The following GRIK2 variants were observed in gnomAD, a reference collection of about 807,000 sequenced individuals.
GRIK2 encodes the protein glutamate receptor ionotropic, kainate 2.
A neutral mutation model predicts 100.3 loss-of-function variants in GRIK2; 32 were observed. That is an observed-to-expected ratio of 0.32 (90% CI 0.24 to 0.43). The LOEUF (loss-of-function observed/expected upper bound fraction) is 0.43, where lower values mean the gene tolerates loss of function less well. Ranked by LOEUF, GRIK2 falls within the 20% of genes least tolerant of loss-of-function variation. The probability of loss-of-function intolerance (pLI) is 1.00; values close to 1 mark genes in which losing one functional copy is unlikely to be tolerated. For missense variants in GRIK2, 843 were observed against 1,114.9 expected, an observed-to-expected ratio of 0.76 and a Z score of 3.47; for synonymous variants, 417 against 389.4, an observed-to-expected ratio of 1.07 and a Z score of -0.83.
chr6:101,497,857 C>G (rs1005766620), intron 2 of GRIK2, among the ~76,000 whole-genome samples: 1 of 149,580 alleles, frequency 6.7e-6, no homozygotes, highest in African/African-American at 2.4e-5. Context: ...TGTTTTACAA[C>G]CTTATTTATT....
intron 9 of GRIK2, among the ~76,000 whole-genome samples, chr6:101,804,153 A>G (rs192263279): frequency 6.2e-4 from 95 of 152,076 alleles, no homozygotes; most frequent in African/African-American, 2.3e-3. Context: ...GTCATAGTCA[A>G]TTGAGTACTT....
intron 2 of GRIK2, among the ~76,000 whole-genome samples, chr6:101,615,019 T>C (rs1582829170): frequency 1.3e-5 from 2 of 151,756 alleles, no homozygotes; most frequent in African/African-American, 4.8e-5. Context: ...GAGACTGTGA[T>C]GTGAAAAGTT....
chr6:101,473,607 A>G (rs1772068065), intron 2 of GRIK2, among the ~76,000 whole-genome samples: 1 of 151,834 alleles, frequency 6.6e-6, no homozygotes, highest in African/African-American at 2.4e-5. Context: ...ATTCTTATAT[A>G]TTATTTTTCC....
chr6:101,873,489 C>A (rs1785575031), intron 11 of GRIK2, among the ~76,000 whole-genome samples: 1 of 152,006 alleles, frequency 6.6e-6, no homozygotes, highest in Admixed American at 6.6e-5. Flanking sequence ...TTAATCCAGT[C>A]TATCATTGAT....
intron 10 of GRIK2, among the ~76,000 whole-genome samples, chr6:101,832,866 C>G (rs79126076): frequency 0.046 from 7,005 of 152,218 alleles, 191 homozygotes; most frequent in Non-Finnish European, 0.058. Context: ...TGAAAGCTAT[C>G]CTCATTACTA....
At chr6:101,980,166 A>G (rs186069882) in intron 14 of GRIK2, among the ~76,000 whole-genome samples, 233 of 152,070 alleles carry the variant, frequency 1.5e-3, no homozygotes, top group Non-Finnish European at 1.1e-3. Flanking sequence ...ACTCCCTGTT[A>G]TATCCCATAC....
intron 7 of GRIK2, among the ~76,000 whole-genome samples, chr6:101,735,845 A>G (rs991317161): frequency 1.3e-5 from 2 of 152,378 alleles, no homozygotes; most frequent in South Asian, 2.1e-4. Flanking sequence ...TTTCAGCACT[A>G]ACTCAAAAGT....
chr6:101,787,381 G>C (rs1000230396), intron 7 of GRIK2, among the ~76,000 whole-genome samples: 5 of 151,396 alleles, frequency 3.3e-5, no homozygotes, highest in African/African-American at 1.2e-4. Flanking sequence ...TCTAGTTCTT[G>C]AGGTGCATCA....
intron 14 of GRIK2, among the ~76,000 whole-genome samples, chr6:101,975,423 T>C (rs1017390064): frequency 1.3e-5 from 2 of 151,804 alleles, no homozygotes; most frequent in African/African-American, 2.4e-5. Context: ...GCCAAATACA[T>C]AGGTAATGTG....
At chr6:101,618,882 T>A (rs1380359425) in intron 2 of GRIK2, among the ~76,000 whole-genome samples, 1 of 151,244 alleles carries the variant, frequency 6.6e-6, no homozygotes, top group Non-Finnish European at 1.5e-5. Context: ...CTTCCTCCTC[T>A]TATATATAAA....
chr6:101,760,586 A>G (rs1355391872), intron 7 of GRIK2, among the ~76,000 whole-genome samples: 4 of 88,828 alleles, frequency 4.5e-5, no homozygotes, highest in African/African-American at 2.1e-4. Context: ...AATTATATAT[A>G]ATTATATATA....
chr6:102,019,488 C>T (rs896153938), intron 14 of GRIK2, among the ~76,000 whole-genome samples: 18 of 152,136 alleles, frequency 1.2e-4, no homozygotes, highest in African/African-American at 4.3e-4. Flanking sequence ...CACATTTTAT[C>T]CTGAGTGTTC....
chr6:101,840,331 C>G (rs1286367865), intron 10 of GRIK2, among the ~76,000 whole-genome samples: 2 of 152,222 alleles, frequency 1.3e-5, no homozygotes, highest in Non-Finnish European at 2.9e-5. Flanking sequence ...TGCAACCTAA[C>G]TTCATTTCCT....
chr6:101,447,399 C>A (rs1386221824), intron 2 of GRIK2, among the ~76,000 whole-genome samples: 2 of 151,556 alleles, frequency 1.3e-5, no homozygotes, highest in African/African-American at 4.8e-5. Context: ...ACATCGGTTT[C>A]AAAAATAGAG....
At chr6:101,792,497 G>T (rs915523257) in intron 7 of GRIK2, among the ~76,000 whole-genome samples, 4 of 151,686 alleles carry the variant, frequency 2.6e-5, no homozygotes, top group Admixed American at 2.0e-4. Context: ...GAAATTCTGG[G>T]TTGAAAATTC....
chr6:101,605,438 C>T (rs1206843736), intron 2 of GRIK2, among the ~76,000 whole-genome samples: 1 of 151,502 alleles, frequency 6.6e-6, no homozygotes, highest in Non-Finnish European at 1.5e-5. Flanking sequence ...GTCTTCTTTC[C>T]AATATCTGTC....
intron 16 of GRIK2, chr6:102,066,034 T>A: frequency 1.9e-6 from 1 of 524,156 alleles, no homozygotes; most frequent in South Asian, 4.6e-5. Flanking sequence ...CTGCATAATT[T>A]AACACATAAT....
At chr6:101,933,802 A>G (rs1405186213) in intron 14 of GRIK2, among the ~76,000 whole-genome samples, 2 of 151,976 alleles carry the variant, frequency 1.3e-5, no homozygotes, top group Non-Finnish European at 2.9e-5. Flanking sequence ...TTTATTCAAA[A>G]CATAGAGCCC....
intron 14 of GRIK2, among the ~76,000 whole-genome samples, chr6:101,931,199 T>A (rs1204294275): frequency 2.0e-5 from 3 of 152,144 alleles, no homozygotes; most frequent in Non-Finnish European, 2.9e-5. Flanking sequence ...TTAAAAAAAA[T>A]TCTAGCAGTC....
Sources: allele counts gnomAD v4.1 joint callset (sites outside exome capture counted in the v4.1 genomes callset), GRCh38; gene constraint gnomAD v4.1.1; transcripts MANE v1.5; gene names NCBI Gene and HGNC (gene_info 2026-07-23, HGNC 2026-07-21).